Variants in ANGPTL4 observed in about 807,000 individuals in gnomAD.
The protein encoded by ANGPTL4 is angiopoietin like 4, also known as angiopoietin-related protein 4.
A neutral mutation model predicts 39.2 loss-of-function variants in ANGPTL4; 39 were observed. The observed-to-expected ratio is 1.00, with a 90% CI of 0.77 to 1.30. The LOEUF (loss-of-function observed/expected upper bound fraction) is 1.30, where lower values mean the gene tolerates loss of function less well. Ranked by LOEUF, ANGPTL4 falls within the 50% of genes most tolerant of loss-of-function variation. ANGPTL4 has a pLI of 0.00. For synonymous variants in ANGPTL4, 233 were observed against 229.5 expected (o/e 1.02, Z -0.14); for missense variants, 545 against 549.8 (o/e 0.99, Z 0.09).
chr19:8,370,529 A>G (rs957084039), intron 4 of ANGPTL4, among the ~76,000 whole-genome samples: 6 of 152,236 alleles, frequency 3.9e-5, no homozygotes, highest in Admixed American at 3.9e-4. Context: ...CCTGGCCAAC[A>G]TGGTGAAACC....
Position 8,366,076 on chromosome 19 carries a change from ATC to A in ANGPTL4, c.429+13_429+14del, listed in dbSNP as rs1970997957. ...ATCTGCAAAGCCAGGTAACCCTAGG[ATC>A]AAGGGAGAAAAGGTCCCTCTGATAG... On this transcript the variant is annotated intron_variant, in intron 2 of 6. Coordinates refer to ENST00000301455, the MANE Select transcript of ANGPTL4 (RefSeq NM_139314.3). The A allele has an allele frequency of 6.2e-7, 1 of 1,613,570 alleles. No homozygotes were observed. The highest frequency in any genetic ancestry group is 1.1e-5 in the South Asian group (1 of 91,064).
chr19:8,364,512 G>GA lies in ANGPTL4; in HGVS notation c.191_192insA (p.Ser64ArgfsTer31). 6.4e-7 allele frequency: 1 copy of GA among 1,565,594 alleles called. No homozygotes were observed. Among genetic ancestry groups the GA allele is most frequent in the South Asian group, 1.2e-5 (1 of 85,350 alleles). ...CGCGAACACGCGGAGCGCACCCGCA[G>GA]TCAGCTGAGCGCGCTGGAGCGGCGC... On this transcript the variant is annotated frameshift_variant, in exon 1 of 7. Transcript: ENST00000301455. LOFTEE classifies it high-confidence loss of function.
Position 8,373,958 on chromosome 19 carries a change from T to C in ANGPTL4, c.*72T>C. The C allele has an allele frequency of 6.4e-7, 1 of 1,551,608 alleles. No individual in the cohort carries two copies. Among genetic ancestry groups the C allele is most frequent in the Non-Finnish European group, 8.8e-7 (1 of 1,131,440 alleles). On this transcript the variant is annotated 3_prime_UTR_variant, in exon 7 of 7. Transcript: ENST00000301455. The stretch of plus-strand genomic sequence containing the variant: ...TGGCTCTGCCCGAGGATGTGGCCGT[T>C]CCCTGCCTGGGCAGGGGCTCCAAGG...
At chr19:8,370,775 G>A (rs1423693593) in intron 4 of ANGPTL4, among the ~76,000 whole-genome samples, 2 of 151,408 alleles carry the variant, frequency 1.3e-5, no homozygotes, top group Non-Finnish European at 2.9e-5. Context: ...GTTACAACAC[G>A]GGGTTTTACC....
chr19:8,371,062 G>A lies in ANGPTL4; in HGVS notation c.668G>A (p.Gly223Asp). 10 of 1,594,248 alleles carry A rather than the reference G, an allele frequency of 6.3e-6. No individual in the cohort carries two copies. The highest frequency in any genetic ancestry group is 8.5e-6 in the Non-Finnish European group (10 of 1,170,178). Residue 223 changes from glycine to aspartate, a missense_variant, in exon 5 of 7, where the codon GGC becomes GAC. By Grantham distance (94) the Gly-to-Asp change is moderately conservative. Transcript: ENST00000301455. This position sits in a 1 kb window ranked among gnomAD's most constrained non-coding sequence, Gnocchi z 5.1. The part of the protein sequence containing the change: ...LVNCKMTSDG[G>D]WTVIQRRHDG... ...CTTGTACCTTTCTGGGCAGATGGAGGCTGGACAGTAATTCAGAGGCGCCAC... is the reference window on the plus strand; with the variant it reads ...CTTGTACCTTTCTGGGCAGATGGAGACTGGACAGTAATTCAGAGGCGCCAC...
rs1334355223 is a variant in ANGPTL4 at position 8,371,105 on chromosome 19, C to T, written c.711C>T (p.Phe237=). ...IQRRHDGSVD[F]NRPWEAYKAG... is the part of the protein sequence containing the mutation. ...GGCGCCACGATGGCTCAGTGGACTT[C>T]AACCGGCCCTGGGAAGCCTACAAGG... The change falls in exon 5 of 7, where the codon TTC becomes TTT. Residue 237 remains phenylalanine (F), a synonymous_variant. Coordinates refer to ENST00000301455, the MANE Select transcript of ANGPTL4 (RefSeq NM_139314.3). The surrounding 1 kb of genome is among the most constrained non-coding windows in gnomAD (Gnocchi z 5.1). 11 of 1,611,012 alleles carry T rather than the reference C, an allele frequency of 6.8e-6. No individual in the cohort carries two copies. The highest frequency in any genetic ancestry group is 9.3e-6 in the Non-Finnish European group (11 of 1,178,602).
At chr19:8,369,183 C>T in intron 3 of ANGPTL4, 36 bp from the exon 4 acceptor site, 1 of 1,566,658 alleles carries the variant, frequency 6.4e-7, no homozygotes, top group Non-Finnish European at 8.7e-7. Context: ...CAGGGGCTGC[C>T]CTCCTGTTTC....
At chr19:8,369,520 C>T (rs973537454) in intron 4 of ANGPTL4, among the ~76,000 whole-genome samples, 188 bp downstream of exon 4, 2 of 130,514 alleles carry the variant, frequency 1.5e-5, no homozygotes, top group Admixed American at 1.8e-4. Flanking sequence ...ATGCCACGAT[C>T]TCAGCTCACT....
At position 8,371,490 on chromosome 19, in the gene ANGPTL4, G is replaced by C. The variant is rs750402576; in HGVS notation, c.1007G>C (p.Arg336Pro). The C allele has an allele frequency of 2.4e-5, 38 of 1,612,952 alleles. No individual in the cohort carries two copies. Among genetic ancestry groups the C allele is most frequent in the Admixed American group, 1.5e-4 (9 of 59,984 alleles). ...ACTTGGGACCAGGATCACGACCTCC[G>C]CAGGGACAAGAACTGCGCCAAGAGC... ...FSTWDQDHDLRRDKNCAKSLS... is the reference protein window; with the variant it reads ...FSTWDQDHDLPRDKNCAKSLS... Residue 336 changes from arginine (R) to proline (P), a missense_variant, in exon 6 of 7, where the codon CGC becomes CCC. Transcript: ENST00000301455. The surrounding 1 kb of genome is among the most constrained non-coding windows in gnomAD (Gnocchi z 5.1).
Position 8,374,160 on chromosome 19 carries a change from G to A in ANGPTL4, c.*274G>A, listed in dbSNP as rs1010369045. 4.4e-6 allele frequency: 2 copies of A among 457,518 alleles called. No homozygotes were observed. Among genetic ancestry groups the A allele is most frequent in the Non-Finnish European group, 8.1e-6 (2 of 247,512 alleles). 28.3% of individuals were successfully genotyped at this position (457,518 alleles called of 1,614,324 possible). A position where few individuals can be genotyped will look rare whatever the true frequency, so the allele number is the denominator to read the frequency against. ...TTCACTCCTTGCTGGCCAGGGAGTT[G>A]GGGACTCAGAGGGACCACTTGGGGC... is the stretch of plus-strand genomic sequence containing the variant. On this transcript the variant is annotated 3_prime_UTR_variant, in exon 7 of 7. Transcript: ENST00000301455.
At chr19:8,369,432 CTTGCTATG>C in intron 4 of ANGPTL4, 100 bp downstream of exon 4, 2 of 781,294 alleles carry the variant, frequency 2.6e-6, no homozygotes, top group Non-Finnish European at 4.1e-6. Flanking sequence ...AAGGCAGGGT[CTTGCTATG>C]TTGCCCAAGC....
chr19:8,369,294 G>T lies in ANGPTL4; in HGVS notation c.623G>T (p.Gly208Val). The part of the protein sequence containing the change: ...QSGLFEIQPQ[G>V]SPPFLVNCKM... ...GGACTATTTGAAATCCAGCCTCAGGGGTCTCCGCCATTTTTGGTGAACTGC... is the reference window on the plus strand; with the variant it reads ...GGACTATTTGAAATCCAGCCTCAGGTGTCTCCGCCATTTTTGGTGAACTGC... Residue 208 changes from glycine (G) to valine (V), a missense_variant, in exon 4 of 7, where the codon GGG becomes GTG. Transcript: ENST00000301455. 1.9e-6 allele frequency: 3 copies of T among 1,612,290 alleles called. No individual in the cohort carries two copies. Among genetic ancestry groups the T allele is most frequent in the Non-Finnish European group, 2.5e-6 (3 of 1,179,776 alleles).
chr19:8,366,901 C>T (rs576356545), intron 3 of ANGPTL4, among the ~76,000 whole-genome samples: 3 of 151,710 alleles, frequency 2.0e-5, no homozygotes, highest in South Asian at 2.1e-4. Flanking sequence ...CCCTCCCCAC[C>T]GCAGAAAGTG....
chr19:8,371,112 C>T lies in ANGPTL4; in HGVS notation c.718C>T (p.Pro240Ser). Reference sequence around the variant, plus strand: ...CGATGGCTCAGTGGACTTCAACCGGCCCTGGGAAGCCTACAAGGCGGGGTT... The same window carrying T: ...CGATGGCTCAGTGGACTTCAACCGGTCCTGGGAAGCCTACAAGGCGGGGTT... ...RHDGSVDFNR[P>S]WEAYKAGFGD... The change falls in exon 5 of 7, where the codon CCC (proline) becomes TCC (serine). Residue 240 changes from proline to serine, a missense_variant. Physicochemically the swap from Pro to Ser is moderately conservative, Grantham distance 74. Coordinates refer to ENST00000301455, the MANE Select transcript of ANGPTL4 (RefSeq NM_139314.3). The surrounding 1 kb of genome is among the most constrained non-coding windows in gnomAD (Gnocchi z 5.1). The T allele has an allele frequency of 6.2e-7, 1 of 1,611,876 alleles. No homozygotes were observed. Among genetic ancestry groups the T allele is most frequent in the Non-Finnish European group, 8.5e-7 (1 of 1,179,044 alleles).
Position 8,369,203 on chromosome 19 carries a change from C to CT in ANGPTL4, c.548-13dup, listed in dbSNP as rs776303264. On this transcript the variant is annotated splice_polypyrimidine_tract_variant and intron_variant, in intron 3 of 6. Coordinates refer to ENST00000301455, the MANE Select transcript of ANGPTL4 (RefSeq NM_139314.3). The stretch of plus-strand genomic sequence containing the variant: ...GCTGCCCTCCTGTTTCAAGTCTCCA[C>CT]TTTATCTCCCTTCAGGGCTGCCCAG... 118 of 1,603,064 alleles carry CT rather than the reference C, an allele frequency of 7.4e-5. No individual in the cohort carries two copies. The highest frequency in any genetic ancestry group is 8.9e-5 in the Non-Finnish European group (105 of 1,176,022).
chr19:8,364,694 A>G (rs2145467564), intron 1 of ANGPTL4, 55 bp downstream of exon 1: 1 of 1,548,144 alleles, frequency 6.5e-7, no homozygotes, highest in Middle Eastern at 1.8e-4. Context: ...CTGGCTTGGA[A>G]GGGTATGGAC....
chr19:8,367,720 T>C (rs1034312075), intron 3 of ANGPTL4, among the ~76,000 whole-genome samples: 1 of 152,292 alleles, frequency 6.6e-6, no homozygotes, highest in Non-Finnish European at 1.5e-5. Context: ...CTCCTCTCCC[T>C]CTAGGAGCTG....
In ANGPTL4 at chr19:8,371,486, C is replaced by T; in HGVS notation, c.1003C>T (p.Leu335Phe). ...CTCCACTTGGGACCAGGATCACGAC[C>T]TCCGCAGGGACAAGAACTGCGCCAA... ...PFSTWDQDHD[L>F]RRDKNCAKSL... Residue 335 changes from leucine to phenylalanine, a missense_variant, in exon 6 of 7, where the codon CTC becomes TTC. Transcript: ENST00000301455. This position sits in a 1 kb window ranked among gnomAD's most constrained non-coding sequence, Gnocchi z 5.1. The T allele has an allele frequency of 6.2e-7, 1 of 1,613,204 alleles. No homozygotes were observed. The highest frequency in any genetic ancestry group is 8.5e-7 in the Non-Finnish European group (1 of 1,180,030).
chr19:8,365,145 G>C (rs1397462078), intron 1 of ANGPTL4, among the ~76,000 whole-genome samples: 2 of 151,160 alleles, frequency 1.3e-5, no homozygotes, highest in Non-Finnish European at 2.9e-5. Flanking sequence ...CTCCAGCCTG[G>C]GCAACAGAGT....
Sources: allele counts gnomAD v4.1 joint callset (sites outside exome capture counted in the v4.1 genomes callset), GRCh38; gene constraint gnomAD v4.1.1; non-coding constraint Gnocchi (gnomAD v3.1); transcripts MANE v1.5; gene names NCBI Gene and HGNC (gene_info 2026-07-23, HGNC 2026-07-21).